The following RBFOX1 variants were observed in gnomAD, a reference collection of about 807,000 sequenced individuals.
RBFOX1 encodes RNA binding protein fox-1 homolog 1.
RBFOX1 carries 8 observed loss-of-function variants against 57.7 expected under a neutral mutation model. That is an observed-to-expected ratio of 0.14 (90% CI 0.08 to 0.25). The LOEUF (loss-of-function observed/expected upper bound fraction) is 0.25. RBFOX1 is among the 10% of genes least tolerant of loss of function. The pLI is 1.00. For missense variants in RBFOX1, 611 were observed against 548.5 expected (o/e 1.11, Z -1.14); for synonymous variants, 326 against 222.4 (o/e 1.47, Z -4.15).
At chr16:5,261,430 A>G (rs1346886057) in intron 1 of RBFOX1, among the ~76,000 whole-genome samples, 4 of 151,838 alleles carry the variant, frequency 2.6e-5, no homozygotes, top group Non-Finnish European at 4.4e-5. Context: ...AACATGTGAT[A>G]GTGTCTTTTG....
chr16:5,424,872 TTTTTTTCTTTCTTTCTTTC>T (rs2067472246), intron 1 of RBFOX1, among the ~76,000 whole-genome samples: 1 of 100,202 alleles, frequency 1.0e-5, no homozygotes, highest in African/African-American at 3.8e-5. Flanking sequence ...CTTTCTTTCT[TTTTTTTCTTTCTTTCTTTC>T]TTTCTTTCTT....
At chr16:6,182,168 C>T (rs77787295) in intron 1 of RBFOX1, among the ~76,000 whole-genome samples, 92 of 152,206 alleles carry the variant, frequency 6.0e-4, no homozygotes, top group African/African-American at 2.1e-3. Flanking sequence ...TAAGCTTATT[C>T]TCTGGGAAAG....
chr16:6,962,557 C>A (rs546086917), intron 3 of RBFOX1, among the ~76,000 whole-genome samples: 3 of 152,102 alleles, frequency 2.0e-5, no homozygotes, highest in African/African-American at 7.2e-5. Flanking sequence ...AAAGTTCATT[C>A]AATTCAACCT....
intron 4 of RBFOX1, among the ~76,000 whole-genome samples, chr16:7,428,413 G>A (rs754084757): frequency 6.3e-5 from 8 of 126,568 alleles, no homozygotes; most frequent in Admixed American, 2.9e-4. Context: ...TGCAACTTTT[G>A]CCTCCTGGGT....
intron 1 of RBFOX1, among the ~76,000 whole-genome samples, chr16:6,050,592 G>A (rs144704864): frequency 6.2e-4 from 95 of 152,208 alleles, no homozygotes; most frequent in African/African-American, 2.2e-3. Context: ...TATTCTACAT[G>A]TGATGAAGCA....
chr16:5,984,020 T>A (rs2060230191), intron 4 of RBFOX1, among the ~76,000 whole-genome samples: 1 of 135,140 alleles, frequency 7.4e-6, no homozygotes, highest in East Asian at 2.3e-4. Context: ...CTCCTTTTCT[T>A]CCTTCTTCCT....
At chr16:7,385,899 C>T (rs1379379175) in intron 4 of RBFOX1, among the ~76,000 whole-genome samples, 1 of 151,570 alleles carries the variant, frequency 6.6e-6, no homozygotes, top group African/African-American at 2.4e-5. Context: ...ATTACAGGCA[C>T]ATGCCACCAT....
At chr16:5,399,260 C>T (rs994607886) in intron 1 of RBFOX1, among the ~76,000 whole-genome samples, 2 of 152,144 alleles carry the variant, frequency 1.3e-5, no homozygotes, top group South Asian at 2.1e-4. Context: ...ATTATTAACT[C>T]TGGGGTTTGG....
At chr16:6,568,419 G>A (rs2097297621) in intron 2 of RBFOX1, among the ~76,000 whole-genome samples, 1 of 152,156 alleles carries the variant, frequency 6.6e-6, no homozygotes, top group Non-Finnish European at 1.5e-5. Flanking sequence ...ATTGAGTTAT[G>A]AGACAGAGAA....
intron 3 of RBFOX1, among the ~76,000 whole-genome samples, chr16:5,798,167 T>C (rs1283890438): frequency 6.6e-6 from 1 of 152,142 alleles, no homozygotes; most frequent in Non-Finnish European, 1.5e-5. Context: ...AAATGACTAA[T>C]TGTAAGAAGT....
At chr16:7,382,438 CATG>C (rs1487411817) in intron 4 of RBFOX1, among the ~76,000 whole-genome samples, 2 of 152,136 alleles carry the variant, frequency 1.3e-5, no homozygotes, top group African/African-American at 2.4e-5. Context: ...AATTATTAAA[CATG>C]ATATATGGCT....
At chr16:5,894,287 C>CT (rs945520715) in intron 4 of RBFOX1, among the ~76,000 whole-genome samples, 9 of 151,732 alleles carry the variant, frequency 5.9e-5, no homozygotes, top group Non-Finnish European at 1.0e-4. Context: ...ATTATAAAAA[C>CT]TTTTTTTTTG....
chr16:5,400,318 C>G (rs2066679098), intron 1 of RBFOX1, among the ~76,000 whole-genome samples: 1 of 152,020 alleles, frequency 6.6e-6, no homozygotes, highest in African/African-American at 2.4e-5. Context: ...GTCTGCAACT[C>G]CTGACCTCTA....
chr16:7,332,357 C>T (rs7190299), intron 4 of RBFOX1, among the ~76,000 whole-genome samples: 52,116 of 152,152 alleles, frequency 0.34, 12,649 homozygotes, highest in African/African-American at 0.69. Flanking sequence ...TGTGCAAATA[C>T]AAGCTGGCTG....
At chr16:7,646,260 G>A (rs1260263433) in intron 11 of RBFOX1, among the ~76,000 whole-genome samples, 1 of 152,170 alleles carries the variant, frequency 6.6e-6, no homozygotes, top group Non-Finnish European at 1.5e-5. Context: ...TGCTCTATGA[G>A]CTATGGCTGG....
intron 4 of RBFOX1, among the ~76,000 whole-genome samples, chr16:7,091,608 A>G (rs996359098): frequency 1.4e-4 from 21 of 151,972 alleles, no homozygotes; most frequent in African/African-American, 5.1e-4. Context: ...AGTGTGTTAC[A>G]CTTGGCAGAA....
intron 2 of RBFOX1, among the ~76,000 whole-genome samples, chr16:6,581,304 A>G (rs1567761371): frequency 6.6e-6 from 1 of 152,126 alleles, no homozygotes. Context: ...TGCTTTTTCG[A>G]TGATCCCTGT....
chr16:6,939,628 C>T (rs929327572), intron 3 of RBFOX1, among the ~76,000 whole-genome samples: 4 of 151,786 alleles, frequency 2.6e-5, no homozygotes, highest in African/African-American at 9.7e-5. Flanking sequence ...TCTCATGCCT[C>T]AACCACCTGA....
At chr16:6,026,584 C>T (rs1044827008) in intron 1 of RBFOX1, among the ~76,000 whole-genome samples, 11 of 152,220 alleles carry the variant, frequency 7.2e-5, no homozygotes, top group African/African-American at 2.4e-4. Context: ...GCTCTTGCTG[C>T]ATAGCTTGAG....
Sources: allele counts gnomAD v4.1 joint callset (sites outside exome capture counted in the v4.1 genomes callset), GRCh38; gene constraint gnomAD v4.1.1; transcripts MANE v1.5; gene names NCBI Gene and HGNC (gene_info 2026-07-23, HGNC 2026-07-21).